Variants in CYP4F22 observed in about 807,000 individuals in gnomAD.
CYP4F22 encodes the protein ultra-long-chain fatty acid omega-hydroxylase.
CYP4F22 carries 37 observed loss-of-function variants against 60.4 expected under a neutral mutation model. The observed-to-expected ratio is 0.61, with a 90% confidence interval of 0.47 to 0.81. The LOEUF is 0.81. Ranked by LOEUF, CYP4F22 falls within the 30% of genes least tolerant of loss-of-function variation. The pLI, the probability that CYP4F22 is intolerant of heterozygous loss-of-function variation, is 0.00. For missense variants in CYP4F22, 655 were observed against 715.0 expected (o/e 0.92, Z 0.96); for synonymous variants, 258 against 280.5 (o/e 0.92, Z 0.80).
intron 7 of CYP4F22, among the ~76,000 whole-genome samples, chr19:15,539,652 A>G (rs1329975927): frequency 6.6e-6 from 1 of 152,196 alleles, no homozygotes; most frequent in Non-Finnish European, 1.5e-5. Context: ...AAGTGGTTGT[A>G]CCATTTTGCT....
intron 1 of CYP4F22, among the ~76,000 whole-genome samples, chr19:15,509,904 C>CCTTTCCTTCCTT (rs1971066504): frequency 9.2e-5 from 8 of 86,784 alleles, no homozygotes; most frequent in Admixed American, 2.4e-4. Flanking sequence ...TTCCTTCCTT[C>CCTTTCCTTCCTT]CTTTCTTTCT....
chr19:15,543,232 C>T (rs1971483731), intron 8 of CYP4F22, among the ~76,000 whole-genome samples: 1 of 152,162 alleles, frequency 6.6e-6, no homozygotes, highest in African/African-American at 2.4e-5. Flanking sequence ...CAGGGTCTTG[C>T]TCTGTCACAC....
chr19:15,540,536 TCA>T lies in CYP4F22; in HGVS notation c.759_760del (p.Ile254LeufsTer15), dbSNP rs1971446149. On this transcript the variant is annotated frameshift_variant, in exon 8 of 14. Transcript: ENST00000269703. LOFTEE classifies it high-confidence loss of function. ...TATCGCTTGCACCACTACCTCGACT[TCA>T]TTTACTACCGCTCGGCGGATGGGCG... The T allele has an allele frequency of 6.2e-7, 1 of 1,614,168 alleles. No homozygotes were observed. The highest frequency in any genetic ancestry group is 1.1e-5 in the South Asian group (1 of 91,082).
intron 6 of CYP4F22, 43 bp from the exon 7 acceptor site, chr19:15,537,829 C>G (rs752264797): frequency 1.4e-5 from 23 of 1,612,506 alleles, no homozygotes; most frequent in African/African-American, 1.2e-4. Context: ...CTGACTCCCT[C>G]TCTGTGGTTT....
rs750733757 is a variant in CYP4F22 at position 15,525,499 on chromosome 19, C to G, written c.163C>G (p.Arg55Gly). The G allele has an allele frequency of 6.2e-7, 1 of 1,613,376 alleles. No homozygotes were observed. Among genetic ancestry groups the G allele is most frequent in the Admixed American group, 1.7e-5 (1 of 60,022 alleles). The part of the protein sequence containing the change: ...LCRSFYITCR[R>G]LRCFPQPPRR... ...CAGGAGCTTCTACATCACCTGCCGCCGGCTGCGCTGCTTCCCCCAGCCTCC... is the reference window on the plus strand; with the variant it reads ...CAGGAGCTTCTACATCACCTGCCGCGGGCTGCGCTGCTTCCCCCAGCCTCC... The change falls in exon 3 of 14, where the codon CGG becomes GGG. Residue 55 changes from arginine (R) to glycine (G), a missense_variant. Coordinates refer to ENST00000269703, the MANE Select transcript of CYP4F22 (RefSeq NM_173483.4).
At chr19:15,528,781 T>G (rs1156351030) in intron 3 of CYP4F22, among the ~76,000 whole-genome samples, 2 of 152,186 alleles carry the variant, frequency 1.3e-5, no homozygotes, top group Non-Finnish European at 2.9e-5. Flanking sequence ...GTTCTTGTAC[T>G]GATCAAATAT....
chr19:15,546,557 C>A (rs1201362501), intron 10 of CYP4F22, among the ~76,000 whole-genome samples: 1 of 152,046 alleles, frequency 6.6e-6, no homozygotes, highest in Non-Finnish European at 1.5e-5. Flanking sequence ...GCACTCCTGC[C>A]TGGATGAAAC....
intron 1 of CYP4F22, among the ~76,000 whole-genome samples, chr19:15,520,196 A>T (rs1213929485): frequency 6.6e-6 from 1 of 151,834 alleles, no homozygotes; most frequent in African/African-American, 2.4e-5. Flanking sequence ...TACAAAAAAA[A>T]TTAGCTGGGC....
chr19:15,510,991 A>C (rs1352095863), intron 1 of CYP4F22, among the ~76,000 whole-genome samples: 1 of 105,612 alleles, frequency 9.5e-6, no homozygotes, highest in Non-Finnish European at 1.8e-5. Context: ...TTTGAGATGG[A>C]GTTTTGCTCT....
At chr19:15,510,909 A>C (rs1971081212) in intron 1 of CYP4F22, among the ~76,000 whole-genome samples, 1 of 149,778 alleles carries the variant, frequency 6.7e-6, no homozygotes, top group Non-Finnish European at 1.5e-5. Flanking sequence ...GTTTGAGCCC[A>C]GGACTTTGAG....
At chr19:15,525,311 AC>A in intron 2 of CYP4F22, 24 bp from the exon 3 acceptor site, 2 of 1,609,402 alleles carry the variant, frequency 1.2e-6, no homozygotes, top group East Asian at 2.2e-5. Flanking sequence ...CATGGCACCG[AC>A]CCCCTGACCC....
At chr19:15,530,792 T>A (rs1428405227) in intron 4 of CYP4F22, among the ~76,000 whole-genome samples, 1 of 152,058 alleles carries the variant, frequency 6.6e-6, no homozygotes. Context: ...GCCCCCATGA[T>A]TCAATTACCC....
intron 1 of CYP4F22, among the ~76,000 whole-genome samples, chr19:15,510,966 A>ATATATTTTTTTTTT (rs34055543): frequency 3.9e-5 from 4 of 103,306 alleles, no homozygotes; most frequent in African/African-American, 1.8e-4. Flanking sequence ...ATATATATAT[A>ATATATTTTTTTTTT]TTTTTTTTTT....
Position 15,518,156 on chromosome 19 carries a change from GCCAGACCCCATCTCTA to G in CYP4F22, c.-108-5533_-108-5518del, listed in dbSNP as rs1364617957. 5.3e-5 allele frequency among the ~76,000 whole-genome samples: 8 copies of G among 152,206 alleles called. No homozygotes were observed. In the East Asian group the frequency reaches 1.5e-3, roughly 29 times the overall value. On this transcript the variant is annotated intron_variant, in intron 1 of 13. Transcript: ENST00000269703. The stretch of plus-strand genomic sequence containing the variant: ...GTTCAAGACCAGCCTGGACAACATA[GCCAGACCCCATCTCTA>G]CCAAGAATTTAAAAATTAGCTGGGC...
In CYP4F22 at chr19:15,548,141, G is replaced by A. The variant is rs766072305; in HGVS notation, c.1170G>A (p.Met390Ile). ...TGACTCAGCTGCCCTTTACAACTAT[G>A]TGCATTAAGGAGAGCCTGCGCCAGT... Reference protein sequence around the residue: ...DDLTQLPFTTMCIKESLRQYP... With the variant: ...DDLTQLPFTTICIKESLRQYP... The change falls in exon 11 of 14, where the codon ATG (methionine) becomes ATA (isoleucine). Residue 390 changes from methionine (M) to isoleucine (I), a missense_variant. By Grantham distance (10) the Met-to-Ile change is conservative. Coordinates refer to ENST00000269703, the MANE Select transcript of CYP4F22 (RefSeq NM_173483.4). 1.9e-6 allele frequency: 3 copies of A among 1,613,834 alleles called. No individual in the cohort carries two copies. Among genetic ancestry groups the A allele is most frequent in the East Asian group, 2.2e-5 (1 of 44,858 alleles).
intron 1 of CYP4F22, among the ~76,000 whole-genome samples, chr19:15,508,833 T>A (rs1396703839): frequency 6.6e-6 from 1 of 151,620 alleles, no homozygotes; most frequent in African/African-American, 2.4e-5. Flanking sequence ...TTTTCTTTTT[T>A]TTTTTTTCTG....
chr19:15,515,885 G>A (rs559575339), intron 1 of CYP4F22, among the ~76,000 whole-genome samples: 26 of 151,900 alleles, frequency 1.7e-4, no homozygotes, highest in Non-Finnish European at 2.9e-4. Flanking sequence ...CACCACGTCC[G>A]GCTAATTTTT....
chr19:15,539,025 A>G (rs770550730), intron 7 of CYP4F22, among the ~76,000 whole-genome samples: 3 of 152,214 alleles, frequency 2.0e-5, no homozygotes, highest in Non-Finnish European at 4.4e-5. Context: ...TTAAAAAATA[A>G]TGGCTTTGTT....
intron 8 of CYP4F22, among the ~76,000 whole-genome samples, chr19:15,541,712 C>G (rs556959701): frequency 1.3e-4 from 20 of 151,652 alleles, no homozygotes; most frequent in Middle Eastern, 6.8e-3. Context: ...GAAACCCCAT[C>G]TCTACTAAAA....
Sources: gnomAD v4.1 joint callset for allele counts (sites outside exome capture counted in the v4.1 genomes callset) on GRCh38, gnomAD v4.1.1 for gene constraint, MANE v1.5 for transcripts, NCBI Gene and HGNC (gene_info 2026-07-23, HGNC 2026-07-21) for gene names.